The following MYH9 variants were observed in gnomAD, a reference collection of about 807,000 sequenced individuals.
The protein encoded by MYH9 is myosin-9.
In MYH9, 29 loss-of-function variants were observed where a neutral mutation model predicts 241.9. The observed-to-expected ratio is 0.12, with a 90% CI of 0.09 to 0.16. The LOEUF (loss-of-function observed/expected upper bound fraction) is 0.16, where lower values mean the gene tolerates loss of function less well. MYH9 is among the 10% of genes least tolerant of loss of function. The pLI, the probability that MYH9 is intolerant of heterozygous loss-of-function variation, is 1.00. For synonymous variants in MYH9, 1,047 were observed against 1,062.6 expected (o/e 0.99, Z 0.29); for missense variants, 1,803 against 2,595.5 (o/e 0.69, Z 6.63).
chr22:36,294,031 C>T, intron 28 of MYH9, 61 bp downstream of exon 28: 2 of 1,577,634 alleles, frequency 1.3e-6, no homozygotes, highest in Middle Eastern at 1.8e-4. Flanking sequence ...CACCTGGGGA[C>T]CTGGGCCACA....
intron 1 of MYH9, among the ~76,000 whole-genome samples, chr22:36,372,930 G>A (rs1469538727): frequency 6.6e-6 from 1 of 152,012 alleles, no homozygotes; most frequent in Non-Finnish European, 1.5e-5. Flanking sequence ...ACAACACCTG[G>A]CAGAGGAAGC....
At chr22:36,309,074 C>A (rs755758756) in intron 15 of MYH9, among the ~76,000 whole-genome samples, 10 of 152,190 alleles carry the variant, frequency 6.6e-5, no homozygotes, top group Non-Finnish European at 1.5e-4. Context: ...CCCAGGAGGA[C>A]CCGGCCACGG....
intron 1 of MYH9, among the ~76,000 whole-genome samples, chr22:36,368,330 A>G (rs1188947938): frequency 6.6e-6 from 1 of 152,180 alleles, no homozygotes; most frequent in African/African-American, 2.4e-5. Context: ...ACAAGGCCAG[A>G]AGGCTTACTT....
chr22:36,303,925 A>G, intron 19 of MYH9, 70 bp downstream of exon 19: 1 of 1,584,540 alleles, frequency 6.3e-7, no homozygotes, highest in Non-Finnish European at 8.6e-7. Flanking sequence ...TGGCCTGCTA[A>G]GTGCCCTTTG....
Position 36,288,766 on chromosome 22 carries a change from G to T in MYH9, c.4731C>A (p.Asp1577Glu). The T allele has an allele frequency of 6.2e-7, 1 of 1,609,170 alleles. No homozygotes were observed. Reference protein sequence around the residue: ...AQFERDLQGRDEQSEEKKKQL... With the variant: ...AQFERDLQGREEQSEEKKKQL... ...GCTTCTTCTTCTCCTCGCTCTGCTCGTCCCGGCCCTGCAGGTCCCGCTCGA... is the reference window on the plus strand; with the variant it reads ...GCTTCTTCTTCTCCTCGCTCTGCTCTTCCCGGCCCTGCAGGTCCCGCTCGA... The change falls in exon 33 of 41, where the codon GAC (aspartate) becomes GAA (glutamate). Residue 1577 changes from aspartate (D) to glutamate (E), a missense_variant. Around this residue, in one of 11 missense-constraint regions of MYH9, gnomAD observed 876 missense variants for 1,077.8 expected, o/e 0.81. Transcript: ENST00000216181. This position sits in a 1 kb window ranked among gnomAD's most constrained non-coding sequence, Gnocchi z 4.8.
chr22:36,381,817 C>T (rs1277074402), intron 1 of MYH9, among the ~76,000 whole-genome samples: 1 of 152,162 alleles, frequency 6.6e-6, no homozygotes, highest in Non-Finnish European at 1.5e-5. Flanking sequence ...ATTTAGTTGA[C>T]CTTTTTAATA....
At chr22:36,324,023 C>T (rs937884838) in intron 5 of MYH9, among the ~76,000 whole-genome samples, 4 of 152,352 alleles carry the variant, frequency 2.6e-5, no homozygotes, top group African/African-American at 7.2e-5. Flanking sequence ...CCCACTACGC[C>T]GTTCCTCTCA....
chr22:36,352,389 T>C (rs547915343), intron 1 of MYH9, among the ~76,000 whole-genome samples: 1 of 152,314 alleles, frequency 6.6e-6, no homozygotes, highest in East Asian at 1.9e-4. Flanking sequence ...CCATCAGCAG[T>C]GGCAGAATGA....
chr22:36,376,638 C>T (rs2146422136), intron 1 of MYH9, among the ~76,000 whole-genome samples: 1 of 152,304 alleles, frequency 6.6e-6, no homozygotes, highest in African/African-American at 2.4e-5. Context: ...AAAATAAAAA[C>T]TTGAAAATGC....
intron 3 of MYH9, among the ~76,000 whole-genome samples, chr22:36,340,873 T>C (rs1229480062): frequency 1.3e-5 from 2 of 151,930 alleles, no homozygotes; most frequent in Admixed American, 6.6e-5. Context: ...GCACAGACAC[T>C]TCCTCCACAA....
In MYH9 at chr22:36,295,785, A is replaced by G. The variant is rs1174275165; in HGVS notation, c.3273-68T>C. 6.9e-7 allele frequency: 1 copy of G among 1,449,006 alleles called. No homozygotes were observed. The highest frequency in any genetic ancestry group is 9.5e-7 in the Non-Finnish European group (1 of 1,054,234). 89.8% of individuals were successfully genotyped at this position (1,449,006 alleles called of 1,614,324 possible). ...CTCCAAGGAGCAGAGTTTGCAGGAC[A>G]GGCCTGAGAGAGCTGCAGCAGCCAA... On this transcript the variant is annotated intron_variant, in intron 25 of 40. Transcript: ENST00000216181. The surrounding 1 kb of genome is among the most constrained non-coding windows in gnomAD (Gnocchi z 4.1).
chr22:36,319,009 G>A (rs534996692), intron 10 of MYH9, among the ~76,000 whole-genome samples: 98 of 152,194 alleles, frequency 6.4e-4, no homozygotes, highest in African/African-American at 2.0e-3. Flanking sequence ...TGATCTGCCC[G>A]CCTCAGCCTC....
chr22:36,383,789 C>T (rs985585043), intron 1 of MYH9, among the ~76,000 whole-genome samples: 1 of 151,464 alleles, frequency 6.6e-6, no homozygotes, highest in Admixed American at 6.6e-5. Context: ...GAAACCCTGT[C>T]TCTACTAAAA....
At chr22:36,332,059 G>A (rs1179563059) in intron 3 of MYH9, among the ~76,000 whole-genome samples, 1 of 152,164 alleles carries the variant, frequency 6.6e-6, no homozygotes, top group African/African-American at 2.4e-5. Context: ...CTTGATCAGA[G>A]TTGCACAAAT....
chr22:36,303,294 G>A (rs1034407842), intron 19 of MYH9, among the ~76,000 whole-genome samples: 36 of 151,904 alleles, frequency 2.4e-4, no homozygotes, highest in African/African-American at 8.0e-4. Flanking sequence ...CATTCCCCAG[G>A]GAGTCAAAGA....
chr22:36,322,590 A>T, intron 5 of MYH9, 69 bp from the exon 6 acceptor site: 1 of 1,468,988 alleles, frequency 6.8e-7, no homozygotes, highest in Non-Finnish European at 9.5e-7. Flanking sequence ...CCCTGCCTGG[A>T]AGGGGGACGA....
At position 36,330,551 on chromosome 22, in the gene MYH9, T is replaced by C. The variant is rs1337944822; in HGVS notation, c.491-3063A>G. Among the ~76,000 whole-genome samples the C allele has an allele frequency of 2.0e-5, 3 of 152,196 alleles. No homozygotes were observed. The East Asian group carries it at 5.8e-4, about 29-fold the overall frequency. ...TTGTTCCTGATCTCAGAGGCATCTCTTCTGGGCAGTGGGGTGGTTAGAATT... is the reference window on the plus strand; with the variant it reads ...TTGTTCCTGATCTCAGAGGCATCTCCTCTGGGCAGTGGGGTGGTTAGAATT... On this transcript the variant is annotated intron_variant, in intron 3 of 40. Coordinates refer to ENST00000216181, the MANE Select transcript of MYH9 (RefSeq NM_002473.6). This position sits in a 1 kb window ranked among gnomAD's most constrained non-coding sequence, Gnocchi z 4.5.
rs186374884 is a variant in MYH9, at chr22:36,382,766, G to A, written c.-20+5041C>T. ...TGCAGTGAGCCAAGATCATGCCACT[G>A]TACTCCAGCCTGGGCAACAGAGTGA... On this transcript the variant is annotated intron_variant, in intron 1 of 40. Coordinates refer to ENST00000216181, the MANE Select transcript of MYH9 (RefSeq NM_002473.6). Among the ~76,000 whole-genome samples, 352 of 152,046 alleles carry A rather than the reference G, an allele frequency of 2.3e-3. 7 individuals carry two copies. Among genetic ancestry groups the A allele is most frequent in the Admixed American group, 0.02 (309 of 15,256 alleles).
intron 19 of MYH9, 133 bp from the exon 20 acceptor site, chr22:36,302,809 G>A: frequency 1.4e-6 from 1 of 735,252 alleles, no homozygotes; most frequent in Admixed American, 2.0e-5. Context: ...TTCAGGGAAG[G>A]GGTCTGGCCT....
Sources: allele counts gnomAD v4.1 joint callset (sites outside exome capture counted in the v4.1 genomes callset), GRCh38; gene constraint gnomAD v4.1.1; regional missense constraint gnomAD v4.1.1; non-coding constraint Gnocchi (gnomAD v3.1); transcripts MANE v1.5; gene names NCBI Gene and HGNC (gene_info 2026-07-23, HGNC 2026-07-21).